NBAS: variants seen among roughly 807,000 people sequenced by gnomAD.
NBAS encodes the protein NBAS subunit of NRZ tethering complex.
Under a neutral mutation model 302.5 loss-of-function variants are expected in NBAS, and 219 were observed. The observed-to-expected ratio is 0.72, with a 90% CI of 0.65 to 0.81. The LOEUF (loss-of-function observed/expected upper bound fraction) is 0.81, where lower values mean the gene tolerates loss of function less well. Among genes scored for constraint, NBAS ranks in the 30% least tolerant of loss-of-function variants. The pLI is 0.00. For synonymous variants in NBAS, 1,118 were observed against 1,021.6 expected (o/e 1.09, Z -1.80); for missense variants, 2,932 against 2,841.6 (o/e 1.03, Z -0.72).
chr2:15,397,563 A>C, intron 26 of NBAS: 1 of 617,898 alleles, frequency 1.6e-6, no homozygotes, highest in South Asian at 1.4e-5. Flanking sequence ...CAACCCACAC[A>C]GTAACGTAGC....
intron 21 of NBAS, among the ~76,000 whole-genome samples, chr2:15,456,011 A>G (rs917030673): frequency 1.3e-5 from 2 of 152,144 alleles, no homozygotes; most frequent in African/African-American, 4.8e-5. Context: ...ACTGCAAAAA[A>G]TGTCACCTTT....
chr2:15,510,299 C>T (rs893060486), intron 10 of NBAS, among the ~76,000 whole-genome samples: 1 of 152,172 alleles, frequency 6.6e-6, no homozygotes, highest in Non-Finnish European at 1.5e-5. Flanking sequence ...CCCTTTGAAG[C>T]TAGGAGGGGC....
the NBAS span, among the ~76,000 whole-genome samples, chr2:15,136,196 T>C: frequency 1.3e-5 from 2 of 152,234 alleles, no homozygotes; most frequent in African/African-American, 4.8e-5. Context: ...TCCAGCCTCA[T>C]TTCCAGCTCA....
At chr2:15,032,920 T>C in the NBAS span, among the ~76,000 whole-genome samples, 3 of 152,238 alleles carry the variant, frequency 2.0e-5, no homozygotes, top group Admixed American at 2.0e-4. Flanking sequence ...GAGATCATCA[T>C]GGCTATCTCT....
chr2:15,209,170 C>T lies in NBAS; in HGVS notation c.6432+9603G>A, dbSNP rs117142814. ...GACCATTAGTGGCTACTTTAAGCAA[C>T]TATATGCCAGTAAGTTGGAAAATCT... is the stretch of plus-strand genomic sequence containing the variant. On this transcript the variant is annotated intron_variant, in intron 48 of 51. Coordinates refer to ENST00000281513, the MANE Select transcript of NBAS (RefSeq NM_015909.4). Among the ~76,000 whole-genome samples, 236 of 152,170 alleles carry T rather than the reference C, an allele frequency of 1.6e-3. 8 individuals are homozygous for T. The East Asian group carries it at 0.042, about 27-fold the overall frequency.
At chr2:14,826,185 A>C in the NBAS span, among the ~76,000 whole-genome samples, 2 of 152,204 alleles carry the variant, frequency 1.3e-5, no homozygotes, top group African/African-American at 4.8e-5. Context: ...ACTTTTTCTA[A>C]AGCTCAAAGG....
At chr2:15,480,870 CA>C (rs1377451269) in intron 12 of NBAS, among the ~76,000 whole-genome samples, 3 of 152,134 alleles carry the variant, frequency 2.0e-5, no homozygotes, top group Non-Finnish European at 4.4e-5. Flanking sequence ...ATGAACAATT[CA>C]GGGGCACTTA....
At chr2:15,150,236 T>A in the NBAS span, among the ~76,000 whole-genome samples, 5 of 152,304 alleles carry the variant, frequency 3.3e-5, no homozygotes, top group East Asian at 9.6e-4. Flanking sequence ...CCTAGAAACC[T>A]GATCATACCT....
chr2:15,028,389 T>G, the NBAS span, among the ~76,000 whole-genome samples: 1 of 152,220 alleles, frequency 6.6e-6, no homozygotes, highest in Non-Finnish European at 1.5e-5. Context: ...AGAACTATTA[T>G]CTAATGTGTT....
intron 7 of NBAS, among the ~76,000 whole-genome samples, chr2:15,537,593 G>C (rs143728130): frequency 6.6e-6 from 1 of 152,284 alleles, no homozygotes; most frequent in East Asian, 1.9e-4. Context: ...AGCCTGGACA[G>C]CAAAGCAAGA....
the NBAS span, among the ~76,000 whole-genome samples, chr2:15,062,653 T>G: frequency 0.51 from 77,256 of 151,632 alleles, 21,894 homozygotes; most frequent in Non-Finnish European, 0.62. Context: ...GGTTTCAAAC[T>G]TTTTTAGGAT....
chr2:15,157,763 G>A, the NBAS span, among the ~76,000 whole-genome samples: 432 of 152,344 alleles, frequency 2.8e-3, 3 homozygotes, highest in African/African-American at 1.0e-2. Flanking sequence ...ATGGAAAGAA[G>A]AAGGGGTCTG....
the NBAS span, among the ~76,000 whole-genome samples, chr2:14,916,216 T>C: frequency 3.3e-5 from 5 of 152,170 alleles, no homozygotes; most frequent in Admixed American, 2.6e-4. Flanking sequence ...TGATTTATAA[T>C]ACAAAGCAAA....
intron 32 of NBAS, among the ~76,000 whole-genome samples, chr2:15,356,855 T>A (rs1372641930): frequency 2.6e-5 from 4 of 152,222 alleles, no homozygotes; most frequent in African/African-American, 2.4e-5. Flanking sequence ...AACTACTATT[T>A]AGAAATTGGA....
At chr2:15,200,336 C>T (rs563958181) in intron 48 of NBAS, among the ~76,000 whole-genome samples, 10 of 152,252 alleles carry the variant, frequency 6.6e-5, no homozygotes, top group African/African-American at 2.2e-4. Flanking sequence ...ATCTCATTTA[C>T]TTGTGCAATA....
chr2:15,358,214 C>T (rs535248829), intron 32 of NBAS, among the ~76,000 whole-genome samples: 1 of 152,228 alleles, frequency 6.6e-6, no homozygotes, highest in African/African-American at 2.4e-5. Context: ...GCATACTTTA[C>T]CACAGATATC....
At chr2:15,464,250 C>T (rs994304587) in intron 19 of NBAS, among the ~76,000 whole-genome samples, 4 of 152,136 alleles carry the variant, frequency 2.6e-5, no homozygotes, top group Non-Finnish European at 5.9e-5. Context: ...GGAACTTTTC[C>T]ACAACTCTCA....
intron 14 of NBAS, 148 bp downstream of exon 14, chr2:15,475,539 G>T: frequency 2.4e-6 from 2 of 820,602 alleles, no homozygotes; most frequent in Non-Finnish European, 1.9e-6. Context: ...CTAAAAAATG[G>T]ATTTTTTATA....
the NBAS span, among the ~76,000 whole-genome samples, chr2:14,794,244 G>A: frequency 1.3e-5 from 2 of 152,152 alleles, no homozygotes; most frequent in South Asian, 2.1e-4. Flanking sequence ...GGACCTGTCC[G>A]CTGGGCGCGC....
Sources: gnomAD v4.1 joint callset for allele counts (sites outside exome capture counted in the v4.1 genomes callset) on GRCh38, gnomAD v4.1.1 for gene constraint, MANE v1.5 for transcripts, NCBI Gene and HGNC (gene_info 2026-07-23, HGNC 2026-07-21) for gene names.